Variants in CDC40 observed in about 807,000 individuals in gnomAD.
CDC40 encodes the protein pre-mRNA-processing factor 17.
Under a neutral mutation model 80.6 loss-of-function variants are expected in CDC40, and 27 were observed. The observed-to-expected ratio is 0.33, with a 90% CI of 0.25 to 0.46. The LOEUF is 0.46. Ranked by LOEUF, CDC40 falls within the 20% of genes least tolerant of loss-of-function variation. The pLI is 1.00. For missense variants in CDC40, 486 were observed against 694.1 expected, an observed-to-expected ratio of 0.70 and a Z score of 3.37; for synonymous variants, 221 against 232.6, an observed-to-expected ratio of 0.95 and a Z score of 0.45.
At chr6:110,221,990 T>A (rs1777783670) in intron 12 of CDC40, among the ~76,000 whole-genome samples, 1 of 152,150 alleles carries the variant, frequency 6.6e-6, no homozygotes, top group Non-Finnish European at 1.5e-5. Context: ...GTGCAGTGGC[T>A]GATGCCTGTA....
intron 8 of CDC40, 109 bp downstream of exon 8, chr6:110,213,269 A>C: frequency 4.1e-6 from 3 of 723,882 alleles, no homozygotes; most frequent in Non-Finnish European, 7.5e-6. Flanking sequence ...GAAGCTAATT[A>C]TTTTCTCTTA....
chr6:110,213,246 TG>T, intron 8 of CDC40, 86 bp downstream of exon 8: 1 of 875,032 alleles, frequency 1.1e-6, no homozygotes, highest in East Asian at 2.4e-5. Flanking sequence ...AATTTGGGTT[TG>T]TTAGGCAATT....
intron 4 of CDC40, among the ~76,000 whole-genome samples, chr6:110,208,705 C>T (rs977366224): frequency 6.6e-6 from 1 of 152,100 alleles, no homozygotes; most frequent in African/African-American, 2.4e-5. Context: ...TATTACTTAG[C>T]AATAATGAGT....
intron 3 of CDC40, among the ~76,000 whole-genome samples, chr6:110,206,435 A>C (rs1026676782): frequency 6.6e-6 from 1 of 152,086 alleles, no homozygotes; most frequent in Admixed American, 6.5e-5. Context: ...TACCAGACTA[A>C]TGTTACCAAA....
chr6:110,213,000 C>G (rs573859106), intron 7 of CDC40, 86 bp from the exon 8 acceptor site: 471 of 938,476 alleles, frequency 5.0e-4, no homozygotes, highest in Non-Finnish European at 7.4e-4. Context: ...AATTAGGCTG[C>G]TTAATATATA....
At chr6:110,202,612 C>A (rs1459237558) in intron 3 of CDC40, among the ~76,000 whole-genome samples, 1 of 152,090 alleles carries the variant, frequency 6.6e-6, no homozygotes, top group Non-Finnish European at 1.5e-5. Flanking sequence ...CTTAAATTAC[C>A]TTATAACAAG....
chr6:110,219,814 G>A lies in CDC40; in HGVS notation c.1285G>A (p.Glu429Lys), dbSNP rs1177141948. 1.2e-6 allele frequency: 2 copies of A among 1,613,918 alleles called. No homozygotes were observed. The highest frequency in any genetic ancestry group is 1.3e-5 in the African/African-American group (1 of 74,918). The change falls in exon 12 of 15, where the codon GAG becomes AAG. Residue 429 changes from glutamate to lysine, a missense_variant. Glu to Lys is a moderately conservative substitution (Grantham distance 56). Around this residue, in one of 3 missense-constraint regions of CDC40, gnomAD observed 17 missense variants for 63.3 expected, o/e 0.27. Coordinates refer to ENST00000307731, the MANE Select transcript of CDC40 (RefSeq NM_015891.3). ...TGTCAACACCATTGTTTTTGTGGAT[G>A]AGAATAGGAGATTTGTGAGCACATC... Reference protein sequence around the residue: ...GAVNTIVFVDENRRFVSTSDD... With the variant: ...GAVNTIVFVDKNRRFVSTSDD...
intron 12 of CDC40, among the ~76,000 whole-genome samples, chr6:110,223,393 A>G (rs1054165861): frequency 2.6e-5 from 4 of 151,648 alleles, no homozygotes; most frequent in Non-Finnish European, 5.9e-5. Flanking sequence ...GAAGGTATTA[A>G]TTAATAACTT....
At chr6:110,220,828 C>G (rs777492462) in intron 12 of CDC40, among the ~76,000 whole-genome samples, 7 of 152,152 alleles carry the variant, frequency 4.6e-5, no homozygotes, top group Non-Finnish European at 8.8e-5. Context: ...ACCATCAGAT[C>G]TCATGTGACT....
At chr6:110,208,351 T>C (rs763459235) in intron 4 of CDC40, among the ~76,000 whole-genome samples, 1 of 152,174 alleles carries the variant, frequency 6.6e-6, no homozygotes, top group African/African-American at 2.4e-5. Flanking sequence ...CATCTAAAGG[T>C]AGCTAGATTC....
At chr6:110,216,136 G>T (rs886483578) in intron 9 of CDC40, among the ~76,000 whole-genome samples, 2 of 152,140 alleles carry the variant, frequency 1.3e-5, no homozygotes, top group Admixed American at 6.5e-5. Context: ...GGAATTGACA[G>T]CTAAAGCATA....
At chr6:110,219,571 T>A in intron 11 of CDC40, 92 bp downstream of exon 11, 1 of 1,087,004 alleles carries the variant, frequency 9.2e-7, no homozygotes, top group Non-Finnish European at 1.4e-6. Flanking sequence ...ACTCATTTAA[T>A]GTTTGCTACT....
intron 8 of CDC40, among the ~76,000 whole-genome samples, chr6:110,214,746 A>G (rs956532216): frequency 4.6e-5 from 7 of 152,238 alleles, no homozygotes; most frequent in Non-Finnish European, 8.8e-5. Context: ...AAGCTATTGT[A>G]TTAATCCACC....
chr6:110,187,345 C>T (rs1475107495), intron 1 of CDC40, among the ~76,000 whole-genome samples: 3 of 152,214 alleles, frequency 2.0e-5, no homozygotes, highest in African/African-American at 7.2e-5. Context: ...GACTATGTTA[C>T]TTCCCCCGAA....
At chr6:110,213,247 G>C in intron 8 of CDC40, 87 bp downstream of exon 8, 1 of 873,566 alleles carries the variant, frequency 1.1e-6, no homozygotes, top group Non-Finnish European at 1.9e-6. Context: ...ATTTGGGTTT[G>C]TTAGGCAATT....
At chr6:110,222,267 A>C (rs755720138) in intron 12 of CDC40, among the ~76,000 whole-genome samples, 10 of 151,962 alleles carry the variant, frequency 6.6e-5, no homozygotes, top group Non-Finnish European at 1.0e-4. Flanking sequence ...TAAAAGAATT[A>C]AAAATTAAAA....
chr6:110,198,009 CA>C (rs1160407453), intron 2 of CDC40, among the ~76,000 whole-genome samples: 1 of 152,092 alleles, frequency 6.6e-6, no homozygotes, highest in African/African-American at 2.4e-5. Flanking sequence ...TTTCCATTCC[CA>C]CCAACAGTAT....
chr6:110,193,337 G>T, intron 2 of CDC40, 69 bp downstream of exon 2: 1 of 884,298 alleles, frequency 1.1e-6, no homozygotes, highest in Non-Finnish European at 1.9e-6. Context: ...ATTAGGTGCA[G>T]CAGTGAATTT....
At position 110,219,737 on chromosome 6, in the gene CDC40, G is replaced by A; in HGVS notation, c.1208G>A (p.Trp403Ter). 1.2e-6 allele frequency: 2 copies of A among 1,613,852 alleles called. No homozygotes were observed. Among genetic ancestry groups the A allele is most frequent in the Non-Finnish European group, 1.7e-6 (2 of 1,179,896 alleles). ...CCTTTTTTCTTGCCTGATACACAGT[G>A]GGACATTCGAAGTGGAGAAATTGTG... ...AGMSDKKIVQ[W>*]DIRSGEIVQE... is the part of the protein sequence containing the mutation. The change falls in exon 12 of 15, where the codon TGG becomes TAG. Residue 403 changes from tryptophan to a stop codon, truncating the protein, a stop_gained and splice_region_variant. Transcript: ENST00000307731. LOFTEE classifies it high-confidence loss of function.
Sources: gnomAD v4.1 joint callset for allele counts (sites outside exome capture counted in the v4.1 genomes callset) on GRCh38, gnomAD v4.1.1 for gene constraint, gnomAD v4.1.1 regional missense constraint, MANE v1.5 for transcripts, NCBI Gene and HGNC (gene_info 2026-07-23, HGNC 2026-07-21) for gene names.